HDAC9: variants seen among roughly 807,000 people sequenced by gnomAD.
HDAC9 encodes the protein histone deacetylase 9, also known as MEF-2 interacting transcription repressor (MITR) protein.
HDAC9 carries 41 observed loss-of-function variants against 139.4 expected under a neutral mutation model. The observed-to-expected ratio is 0.29, with a 90% CI of 0.23 to 0.38. The LOEUF is 0.38. HDAC9 is among the 10% of genes least tolerant of loss of function. HDAC9 has a pLI of 1.00. For missense variants in HDAC9, 1,147 were observed against 1,297.0 expected (o/e 0.88, Z 1.78); for synonymous variants, 517 against 476.2 (o/e 1.09, Z -1.12).
At chr7:18,524,927 A>G (rs1260878253) in intron 2 of HDAC9, among the ~76,000 whole-genome samples, 1 of 152,016 alleles carries the variant, frequency 6.6e-6, no homozygotes, top group East Asian at 1.9e-4. Context: ...ATATATGGAA[A>G]AATATGTATA....
At chr7:18,256,110 C>A (rs1308474195) in intron 2 of HDAC9, among the ~76,000 whole-genome samples, 1 of 152,050 alleles carries the variant, frequency 6.6e-6, no homozygotes, top group African/African-American at 2.4e-5. Flanking sequence ...ATTTCGTTTG[C>A]CCCCGTTTTT....
intron 1 of HDAC9, among the ~76,000 whole-genome samples, chr7:18,432,190 A>G (rs1790740664): frequency 6.6e-6 from 1 of 152,160 alleles, no homozygotes; most frequent in Admixed American, 6.5e-5. Flanking sequence ...CCACTCAACA[A>G]ATGCTTATTA....
At chr7:18,896,901 T>A (rs150964826) in intron 22 of HDAC9, among the ~76,000 whole-genome samples, 27 of 152,052 alleles carry the variant, frequency 1.8e-4, no homozygotes, top group African/African-American at 6.3e-4. Context: ...TGAAGGTAAA[T>A]AAACTCTAAA....
intron 1 of HDAC9, among the ~76,000 whole-genome samples, chr7:18,471,484 A>G (rs1399624913): frequency 1.3e-5 from 2 of 152,224 alleles, no homozygotes; most frequent in Admixed American, 6.5e-5. Context: ...ATCTATAAGT[A>G]TGAATGATTA....
intron 21 of HDAC9, among the ~76,000 whole-genome samples, chr7:18,836,580 T>C (rs1329099192): frequency 6.6e-6 from 1 of 152,158 alleles, no homozygotes; most frequent in Non-Finnish European, 1.5e-5. Context: ...AAATGTAACA[T>C]TAAGTACAGT....
intron 2 of HDAC9, among the ~76,000 whole-genome samples, chr7:18,552,942 A>G (rs1346089485): frequency 1.3e-5 from 2 of 152,204 alleles, no homozygotes; most frequent in African/African-American, 2.4e-5. Flanking sequence ...CTTGAAAACC[A>G]TTTCTAATCC....
chr7:18,241,598 G>A (rs1268935095), intron 2 of HDAC9, among the ~76,000 whole-genome samples: 1 of 152,118 alleles, frequency 6.6e-6, no homozygotes, highest in African/African-American at 2.4e-5. Flanking sequence ...TGATTTAAAA[G>A]TCCAATGCCA....
chr7:18,556,885 T>A (rs1818977030), intron 2 of HDAC9, among the ~76,000 whole-genome samples: 1 of 152,058 alleles, frequency 6.6e-6, no homozygotes, highest in East Asian at 1.9e-4. Flanking sequence ...TTCTTTTGAG[T>A]AATTAAGTAA....
Position 18,769,398 on chromosome 7 carries a change from GC to G in HDAC9, c.2214+2244del, listed in dbSNP as rs139520132. On this transcript the variant is annotated intron_variant, in intron 16 of 25. Transcript: ENST00000686413. ...GTAAGTCCTTAGTAATGTCCCTAGA[GC>G]TGACCTCACCTGGATGGTGGCAGCA... 6.2e-3 allele frequency among the ~76,000 whole-genome samples: 944 copies of G among 152,228 alleles called. 6 individuals are homozygous for G. Among genetic ancestry groups the G allele is most frequent in the African/African-American group, 0.022 (905 of 41,538 alleles).
chr7:18,401,351 T>C (rs1787523643), intron 1 of HDAC9, among the ~76,000 whole-genome samples: 1 of 152,218 alleles, frequency 6.6e-6, no homozygotes, highest in African/African-American at 2.4e-5. Flanking sequence ...ATTCTATGGC[T>C]GTTTGCCTCA....
At chr7:18,924,300 C>T (rs1405506276) in intron 22 of HDAC9, among the ~76,000 whole-genome samples, 1 of 151,922 alleles carries the variant, frequency 6.6e-6, no homozygotes, top group Non-Finnish European at 1.5e-5. Flanking sequence ...AGCTTATATA[C>T]TATGGAATTC....
intron 2 of HDAC9, among the ~76,000 whole-genome samples, chr7:18,559,792 G>A (rs777377695): frequency 6.6e-6 from 1 of 152,046 alleles, no homozygotes; most frequent in Non-Finnish European, 1.5e-5. Flanking sequence ...CCTTTTCTGT[G>A]GTCTCTGAGA....
At chr7:18,807,483 C>G (rs1793805294) in intron 17 of HDAC9, among the ~76,000 whole-genome samples, 10 of 151,778 alleles carry the variant, frequency 6.6e-5, no homozygotes, top group Admixed American at 6.6e-4. Flanking sequence ...TAACTTTGGG[C>G]TTAGTTTACT....
intron 12 of HDAC9, among the ~76,000 whole-genome samples, chr7:18,716,992 T>A (rs377734226): frequency 1.3e-5 from 1 of 76,910 alleles, no homozygotes; most frequent in African/African-American, 2.1e-4. Context: ...CGTTAGCACT[T>A]TTTTTTTTTT....
At chr7:18,490,337 C>G (rs1179601778) in intron 1 of HDAC9, among the ~76,000 whole-genome samples, 1 of 151,984 alleles carries the variant, frequency 6.6e-6, no homozygotes, top group African/African-American at 2.4e-5. Flanking sequence ...CTGTAATCCT[C>G]TAAAAATAGA....
chr7:18,405,426 T>C (rs929401042), intron 1 of HDAC9, among the ~76,000 whole-genome samples: 2 of 152,178 alleles, frequency 1.3e-5, no homozygotes, highest in South Asian at 2.1e-4. Context: ...CATCCCCCTA[T>C]CTTACTCACT....
At chr7:18,795,755 C>A (rs992804997) in intron 17 of HDAC9, among the ~76,000 whole-genome samples, 1 of 152,146 alleles carries the variant, frequency 6.6e-6, no homozygotes, top group African/African-American at 2.4e-5. Flanking sequence ...TAGTAAAGAA[C>A]ATGTGTAACT....
At chr7:18,200,660 A>G (rs1374620437) in intron 2 of HDAC9, among the ~76,000 whole-genome samples, 1 of 152,196 alleles carries the variant, frequency 6.6e-6, no homozygotes, top group African/African-American at 2.4e-5. Flanking sequence ...TGGGAGTTCA[A>G]CATTATGAAT....
At chr7:18,374,708 A>G (rs1784857987) in intron 1 of HDAC9, among the ~76,000 whole-genome samples, 1 of 152,064 alleles carries the variant, frequency 6.6e-6, no homozygotes, top group African/African-American at 2.4e-5. Context: ...CAGACCTCTT[A>G]AAGTCTTTAT....
Sources: allele counts gnomAD v4.1 joint callset (sites outside exome capture counted in the v4.1 genomes callset), GRCh38; gene constraint gnomAD v4.1.1; transcripts MANE v1.5; gene names NCBI Gene and HGNC (gene_info 2026-07-23, HGNC 2026-07-21).